The following CRYBG2 variants were observed in gnomAD, a reference collection of about 807,000 sequenced individuals.
The protein encoded by CRYBG2 is beta/gamma crystallin domain-containing protein 2.
CRYBG2 carries 106 observed loss-of-function variants against 153.4 expected under a neutral mutation model. That is an observed-to-expected ratio of 0.69 (90% CI 0.59 to 0.81). The LOEUF (loss-of-function observed/expected upper bound fraction) is 0.81, where lower values mean the gene tolerates loss of function less well. Ranked by LOEUF, CRYBG2 falls within the 30% of genes least tolerant of loss-of-function variation. The pLI, the probability that CRYBG2 is intolerant of heterozygous loss-of-function variation, is 0.00. For missense variants in CRYBG2, 1,996 were observed against 2,112.0 expected (o/e 0.95, Z 1.08); for synonymous variants, 851 against 877.8 (o/e 0.97, Z 0.54).
rs749713271 is a variant in CRYBG2, at chr1:26,345,390, G to A, written c.1268C>T (p.Ser423Phe). The A allele has an allele frequency of 6.2e-7, 1 of 1,613,026 alleles. No individual in the cohort carries two copies. Among genetic ancestry groups the A allele is most frequent in the Non-Finnish European group, 8.5e-7 (1 of 1,179,752 alleles). The change falls in exon 2 of 20, where the codon TCC becomes TTC. Residue 423 changes from serine (S) to phenylalanine (F), a missense_variant. Ser to Phe is a radical substitution (Grantham distance 155). Transcript: ENST00000308182. ...VTVPGQPPAP[S>F]TTRRKDVPSP... ...GGGGACATCCTTCCTTCTTGTAGTG[G>A]ATGGAGCAGGAGGTTGTCCAGGGAC...
intron 1 of CRYBG2, among the ~76,000 whole-genome samples, chr1:26,350,043 G>C (rs768473692): frequency 7.2e-5 from 11 of 151,996 alleles, no homozygotes; most frequent in Non-Finnish European, 1.3e-4. Context: ...TCAAACTCCT[G>C]AGCCTAAGAG....
intron 15 of CRYBG2, 38 bp downstream of exon 15, chr1:26,331,451 G>C: frequency 6.3e-7 from 1 of 1,595,768 alleles, no homozygotes; most frequent in Non-Finnish European, 8.6e-7. Context: ...AGCAACTTCT[G>C]CTTCCGGGAT....
Position 26,336,716 on chromosome 1 carries a change from C to T in CRYBG2, c.3928G>A (p.Glu1310Lys), listed in dbSNP as rs1301779372. Residue 1310 changes from glutamate (E) to lysine (K), a missense_variant, in exon 12 of 20, where the codon GAG becomes AAG. Physicochemically the swap from Glu to Lys is moderately conservative, Grantham distance 56. Coordinates refer to ENST00000308182, the MANE Select transcript of CRYBG2 (RefSeq NM_001039775.4). The surrounding 1 kb of genome is among the most constrained non-coding windows in gnomAD (Gnocchi z 4.9). Reference sequence around the variant, plus strand: ...TACTGTTCCCCGGAGAAGCCCACCTCCTGGTAGGCCACCCACCTGCAGGAA... The same window carrying T: ...TACTGTTCCCCGGAGAAGCCCACCTTCTGGTAGGCCACCCACCTGCAGGAA... ...VLSGVWVAYQ[E>K]VGFSGEQYVL... 6.3e-7 allele frequency: 1 copy of T among 1,580,776 alleles called. No homozygotes were observed. The highest frequency in any genetic ancestry group is 8.6e-7 in the Non-Finnish European group (1 of 1,163,094).
In CRYBG2 at chr1:26,346,166, A is replaced by G. The variant is rs1326025071; in HGVS notation, c.492T>C (p.Gly164=). The G allele has an allele frequency of 6.5e-7, 1 of 1,549,696 alleles. No homozygotes were observed. The highest frequency in any genetic ancestry group is 2.3e-5 in the East Asian group (1 of 43,970). Residue 164 remains glycine, a synonymous_variant, in exon 2 of 20, where the codon GGT becomes GGC. Transcript: ENST00000308182. This position sits in a 1 kb window ranked among gnomAD's most constrained non-coding sequence, Gnocchi z 4.9. The part of the protein sequence containing the change: ...SPHPGVGLTS[G]SSRSLEEYRV... ...GGTATTCCTCGAGGCTCCGGGAGCT[A>G]CCACTGGTGAGACCTACACCTGGGT...
rs758016863 is a variant in CRYBG2 at position 26,336,501 on chromosome 1, G to A, written c.4038+105C>T. 6.5e-7 allele frequency: 1 copy of A among 1,544,732 alleles called. No homozygotes were observed. Among genetic ancestry groups the A allele is most frequent in the Non-Finnish European group, 8.7e-7 (1 of 1,143,374 alleles). On this transcript the variant is annotated intron_variant, in intron 12 of 19. Transcript: ENST00000308182. This position sits in a 1 kb window ranked among gnomAD's most constrained non-coding sequence, Gnocchi z 4.9. Reference sequence around the variant, plus strand: ...CCCCTTCTAAGGCCCCGCCCCAAGCGCCCAGGCAGGTCCTCCAGCCCGCTA... The same window carrying A: ...CCCCTTCTAAGGCCCCGCCCCAAGCACCCAGGCAGGTCCTCCAGCCCGCTA...
At chr1:26,341,560 C>T (rs1415097463) in intron 5 of CRYBG2, among the ~76,000 whole-genome samples, 1 of 151,924 alleles carries the variant, frequency 6.6e-6, no homozygotes, top group Admixed American at 6.6e-5. Flanking sequence ...GATCTCAGCT[C>T]ACCGCAACTT....
chr1:26,344,262 G>A lies in CRYBG2; in HGVS notation c.2396C>T (p.Thr799Met), dbSNP rs749329431. The change falls in exon 2 of 20, where the codon ACG (threonine) becomes ATG (methionine). Residue 799 changes from threonine (T) to methionine (M), a missense_variant. Thr to Met is a moderately conservative substitution (Grantham distance 81, BLOSUM62 -1). Transcript: ENST00000308182. ...PRSSYLSMYA[T>M]LPAIEEDQLG... ...CTGGTCCTCCTCAATGGCAGGCAGC[G>A]TGGCGTACATGGACAGGTAGGAGGA... 990 of 1,533,534 alleles carry A rather than the reference G, an allele frequency of 6.5e-4. 9 individuals carry two copies. Among genetic ancestry groups the A allele is most frequent in the Admixed American group, 1.0e-3 (52 of 50,506 alleles). The allele number at this position is 1,533,534 out of a possible 1,614,324, so 95.0% of individuals were successfully genotyped here.
chr1:26,352,131 A>G (rs547157167), intron 1 of CRYBG2, among the ~76,000 whole-genome samples: 6 of 152,028 alleles, frequency 3.9e-5, no homozygotes, highest in Non-Finnish European at 7.4e-5. Flanking sequence ...TCACCCCCAA[A>G]CTAGGCCAAA....
chr1:26,323,650 G>C (rs1415929955), intron 18 of CRYBG2, among the ~76,000 whole-genome samples: 2 of 151,728 alleles, frequency 1.3e-5, no homozygotes, highest in Non-Finnish European at 2.9e-5. Flanking sequence ...ACCAGGTCTT[G>C]TGCTGTCACC....
Position 26,337,575 on chromosome 1 carries a change from G to A in CRYBG2, c.3607C>T (p.Leu1203=). ...QQPEDSQSPH[L]ASVGSLRVLG... ...ACTCTCAGGGACCCCACAGAGGCCAGGTGGGGGCTCTGGCTGTCCTCTGGC... is the reference window on the plus strand; with the variant it reads ...ACTCTCAGGGACCCCACAGAGGCCAAGTGGGGGCTCTGGCTGTCCTCTGGC... The change falls in exon 9 of 20, where the codon CTG becomes TTG. Residue 1203 remains leucine (L), a synonymous_variant. Coordinates refer to ENST00000308182, the MANE Select transcript of CRYBG2 (RefSeq NM_001039775.4). The A allele has an allele frequency of 6.2e-7, 1 of 1,613,066 alleles. No homozygotes were observed. Among genetic ancestry groups the A allele is most frequent in the Non-Finnish European group, 8.5e-7 (1 of 1,179,950 alleles).
Position 26,331,609 on chromosome 1 carries a change from C to T in CRYBG2, c.4194G>A (p.Leu1398=), listed in dbSNP as rs2073998196. 1 of 1,613,820 alleles carries T rather than the reference C, an allele frequency of 6.2e-7. No homozygotes were observed. Among genetic ancestry groups the T allele is most frequent in the South Asian group, 1.1e-5 (1 of 91,086 alleles). ...SCRVHGGSWI[L]FDETNFEGDQ... is the part of the protein sequence containing the mutation. ...CACCCTCGAAGTTCGTCTCATCAAA[C>T]AGGATCCAGCTAGGGAAGGGGAAGA... Residue 1398 remains leucine (L), a synonymous_variant, in exon 15 of 20, where the codon CTG becomes CTA. Transcript: ENST00000308182.
At chr1:26,324,830 GTCAGACA>G (rs1200269062) in intron 17 of CRYBG2, 1 of 152,264 alleles carries the variant, frequency 6.6e-6, no homozygotes, top group African/African-American at 2.4e-5. Context: ...ACACTGGACT[GTCAGACA>G]TCAGACATGG....
chr1:26,338,540 G>C, intron 6 of CRYBG2, 63 bp from the exon 7 acceptor site: 1 of 1,491,162 alleles, frequency 6.7e-7, no homozygotes, highest in Non-Finnish European at 9.0e-7. Flanking sequence ...CAGATTGGTG[G>C]GCGGGAGGGA....
chr1:26,349,886 C>T (rs552096797), intron 1 of CRYBG2, among the ~76,000 whole-genome samples: 1 of 138,170 alleles, frequency 7.2e-6, no homozygotes, highest in South Asian at 2.3e-4. Context: ...ACAATCTCAG[C>T]TTACTGCAAC....
rs1301605489 is a variant in CRYBG2, at chr1:26,336,526, A to T, written c.4038+80T>A. The T allele has an allele frequency of 1.9e-6, 3 of 1,540,870 alleles. No homozygotes were observed. In the African/African-American group the frequency reaches 4.2e-5, roughly 21 times the overall value. On this transcript the variant is annotated intron_variant, in intron 12 of 19. Transcript: ENST00000308182. The surrounding 1 kb of genome is among the most constrained non-coding windows in gnomAD (Gnocchi z 4.9). ...GCCCAGGCAGGTCCTCCAGCCCGCT[A>T]CCTCTGCGTGGGGGCGGGGCGCACC...
chr1:26,327,454 C>T (rs1009937173), intron 17 of CRYBG2, among the ~76,000 whole-genome samples: 2 of 147,478 alleles, frequency 1.4e-5, no homozygotes, highest in Non-Finnish European at 3.0e-5. Flanking sequence ...GGTGACAGTG[C>T]GAGATTCCGT....
intron 14 of CRYBG2, among the ~76,000 whole-genome samples, chr1:26,335,734 A>G (rs2124701907): frequency 6.6e-6 from 1 of 152,268 alleles, no homozygotes; most frequent in South Asian, 2.1e-4. Flanking sequence ...TAATATGAAT[A>G]AATTGTTATT....
intron 1 of CRYBG2, among the ~76,000 whole-genome samples, chr1:26,351,963 C>T (rs1194416485): frequency 6.6e-6 from 1 of 152,138 alleles, no homozygotes; most frequent in Non-Finnish European, 1.5e-5. Context: ...TTCTGCAGGG[C>T]CCCAGACCAG....
chr1:26,332,569 C>G (rs1172842339), intron 14 of CRYBG2, among the ~76,000 whole-genome samples: 1 of 151,904 alleles, frequency 6.6e-6, no homozygotes, highest in Non-Finnish European at 1.5e-5. Context: ...TGCAATGGCG[C>G]GATCTCAGCT....
Sources: gnomAD v4.1 joint callset for allele counts (sites outside exome capture counted in the v4.1 genomes callset) on GRCh38, gnomAD v4.1.1 for gene constraint, Gnocchi (gnomAD v3.1) non-coding constraint, MANE v1.5 for transcripts, NCBI Gene and HGNC (gene_info 2026-07-23, HGNC 2026-07-21) for gene names.